The following INTU variants were observed in gnomAD, a reference collection of about 807,000 sequenced individuals.
INTU encodes the protein inturned planar cell polarity protein, also known as protein inturned.
In INTU, 68 loss-of-function variants were observed where a neutral mutation model predicts 100.5. The observed-to-expected ratio is 0.68, with a 90% CI of 0.56 to 0.83. The LOEUF is 0.83. Among genes scored for constraint, INTU ranks in the 40% least tolerant of loss-of-function variants. INTU has a pLI of 0.00. For missense variants in INTU, 1,071 were observed against 1,114.7 expected, an observed-to-expected ratio of 0.96 and a Z score of 0.56; for synonymous variants, 357 against 395.7, an observed-to-expected ratio of 0.90 and a Z score of 1.16.
chr4:127,656,659 G>T lies in INTU; in HGVS notation c.706G>T (p.Asp236Tyr). 6.2e-7 allele frequency: 1 copy of T among 1,610,142 alleles called. No individual in the cohort carries two copies. Among genetic ancestry groups the T allele is most frequent in the Middle Eastern group, 1.7e-4 (1 of 6,056 alleles). ...LIGDVLVAVN[D>Y]VDVTTENIER... is the part of the protein sequence containing the mutation. ...AGGTGATGTCCTTGTTGCTGTGAAT[G>T]ATGTCGATGTTACTACTGAAAACAT... The change falls in exon 3 of 16, where the codon GAT (aspartate) becomes TAT (tyrosine). Residue 236 changes from aspartate to tyrosine, a missense_variant. By Grantham distance (160) the Asp-to-Tyr change is radical. Coordinates refer to ENST00000335251, the MANE Select transcript of INTU (RefSeq NM_015693.4).
intron 15 of INTU, 75 bp from the exon 16 acceptor site, chr4:127,716,250 A>G: frequency 1.5e-6 from 1 of 660,998 alleles, no homozygotes; most frequent in Non-Finnish European, 2.5e-6. Context: ...ACAAAAATTA[A>G]ATTAATTGGA....
In INTU at chr4:127,693,600, G is replaced by C. The variant is rs569928608; in HGVS notation, c.1449+5733G>C. Among the ~76,000 whole-genome samples, 5 of 151,974 alleles carry C rather than the reference G, an allele frequency of 3.3e-5. No homozygotes were observed. In the South Asian group the frequency reaches 1.0e-3, roughly 32 times the overall value. On this transcript the variant is annotated intron_variant, in intron 8 of 15. Coordinates refer to ENST00000335251, the MANE Select transcript of INTU (RefSeq NM_015693.4). ...GTCTGATTTCTCTGGCTAGGACTTT[G>C]AGTACTGTGTTGAATAGAAGTGGTG...
chr4:127,705,508 G>A lies in INTU; in HGVS notation c.1567-83G>A, dbSNP rs191138354. The A allele has an allele frequency of 7.1e-6, 7 of 982,596 alleles. No individual in the cohort carries two copies. In the East Asian group the frequency reaches 1.2e-4, roughly 17 times the overall value. The allele number at this position is 982,596 out of a possible 1,614,324, so 60.9% of individuals were successfully genotyped here. A position where few individuals can be genotyped will look rare whatever the true frequency, so the allele number is the denominator to read the frequency against. ...AGAATATTCTAAACCAACGGAAGAA[G>A]TGTCTATGAAACTCTTAGAAATATT... On this transcript the variant is annotated intron_variant, in intron 10 of 15. Coordinates refer to ENST00000335251, the MANE Select transcript of INTU (RefSeq NM_015693.4).
chr4:127,636,410 A>C (rs1284298159), intron 1 of INTU, among the ~76,000 whole-genome samples: 1 of 152,134 alleles, frequency 6.6e-6, no homozygotes, highest in Non-Finnish European at 1.5e-5. Flanking sequence ...CACGAGTTCG[A>C]GACCAGCCTG....
At chr4:127,715,995 ATACT>A (rs1436078314) in intron 15 of INTU, among the ~76,000 whole-genome samples, 1 of 152,330 alleles carries the variant, frequency 6.6e-6, no homozygotes, top group Non-Finnish European at 1.5e-5. Context: ...GAGCAATAAA[ATACT>A]TAATAACTAT....
rs1728236279 is a variant in INTU, at chr4:127,656,578, G to T, written c.683-58G>T. 6 of 1,214,044 alleles carry T rather than the reference G, an allele frequency of 4.9e-6. No individual in the cohort carries two copies. In the East Asian group the frequency reaches 1.4e-4, roughly 28 times the overall value. The allele number at this position is 1,214,044 out of a possible 1,614,324, so 75.2% of individuals were successfully genotyped here. On this transcript the variant is annotated intron_variant, in intron 2 of 15. Transcript: ENST00000335251. ...GTAGCTGTTTAATGTTCCAATTCTAGACCTCTATGGTTTTTAGATATTCAT... is the reference window on the plus strand; with the variant it reads ...GTAGCTGTTTAATGTTCCAATTCTATACCTCTATGGTTTTTAGATATTCAT...
Position 127,637,275 on chromosome 4 carries a change from T to C in INTU, c.146+4095T>C, listed in dbSNP as rs546812262. Among the ~76,000 whole-genome samples the C allele has an allele frequency of 2.0e-5, 3 of 152,358 alleles. No individual in the cohort carries two copies. The South Asian group carries it at 6.2e-4, about 32-fold the overall frequency. On this transcript the variant is annotated intron_variant, in intron 1 of 15. Transcript: ENST00000335251. ...TCCATACCACTGCCAGTTTGCTTTCTAAAACACAGTTCTAAATCATTTTTC... is the reference window on the plus strand; with the variant it reads ...TCCATACCACTGCCAGTTTGCTTTCCAAAACACAGTTCTAAATCATTTTTC...
rs1017594400 is a variant in INTU, at chr4:127,720,282, T to C, written c.*3846T>C. 2 of 152,250 alleles carry C rather than the reference T, an allele frequency of 1.3e-5. No homozygotes were observed. Among genetic ancestry groups the C allele is most frequent in the Non-Finnish European group, 2.9e-5 (2 of 67,990 alleles). The allele number at this position is 152,250 out of a possible 1,614,324, so 9.4% of individuals were successfully genotyped here. A position where few individuals can be genotyped will look rare whatever the true frequency, so the allele number is the denominator to read the frequency against. On this transcript the variant is annotated 3_prime_UTR_variant, in exon 16 of 16. Coordinates refer to ENST00000335251, the MANE Select transcript of INTU (RefSeq NM_015693.4). ...CAGGTTGTTCAATTTCCACGTAGTT[T>C]TGTGGTTTTGAGTGACTTTCTTACT...
At position 127,719,527 on chromosome 4, in the gene INTU, C is replaced by A. The variant is rs1387980559; in HGVS notation, c.*3091C>A. ...GAGTTAGGGAGGAGTCTCTCCTTTT[C>A]ATTTGTTTGGAATAGTTTCAGAAGA... On this transcript the variant is annotated 3_prime_UTR_variant, in exon 16 of 16. Transcript: ENST00000335251. 1 of 152,110 alleles carries A rather than the reference C, an allele frequency of 6.6e-6. No homozygotes were observed. The highest frequency in any genetic ancestry group is 2.4e-5 in the African/African-American group (1 of 41,422). 9.4% of individuals were successfully genotyped at this position (152,110 alleles called of 1,614,324 possible).
rs184671374 is a variant in INTU at position 127,645,909 on chromosome 4, G to A, written c.682+1853G>A. 9.9e-5 allele frequency among the ~76,000 whole-genome samples: 15 copies of A among 152,086 alleles called. No individual in the cohort carries two copies. The East Asian group carries it at 1.2e-3, about 12-fold the overall frequency. The stretch of plus-strand genomic sequence containing the variant: ...TCAGAATTATTTGGATAGGCCTGGC[G>A]TGGTGGCTAACACTTGTAATCCCAG... On this transcript the variant is annotated intron_variant, in intron 2 of 15. Transcript: ENST00000335251.
At chr4:127,699,487 T>A (rs1179980543) in intron 8 of INTU, 1 of 152,196 alleles carries the variant, frequency 6.6e-6, no homozygotes, top group Non-Finnish European at 1.5e-5. Flanking sequence ...AACCCTTGAA[T>A]GCAAAACGTT....
chr4:127,699,988 TC>T (rs1272611525), intron 8 of INTU, 21 bp from the exon 9 acceptor site: 2 of 1,533,366 alleles, frequency 1.3e-6, no homozygotes, highest in East Asian at 2.3e-5. Flanking sequence ...TTTATGTTAC[TC>T]TTTTTTTTTT....
At chr4:127,635,614 G>A (rs930255056) in intron 1 of INTU, among the ~76,000 whole-genome samples, 3 of 152,214 alleles carry the variant, frequency 2.0e-5, no homozygotes, top group African/African-American at 7.2e-5. Flanking sequence ...GGATTGGCTG[G>A]AGAAGGGAGG....
At chr4:127,660,331 T>C (rs1728421704) in intron 3 of INTU, among the ~76,000 whole-genome samples, 1 of 152,204 alleles carries the variant, frequency 6.6e-6, no homozygotes, top group Admixed American at 6.5e-5. Context: ...AGAGATAATC[T>C]GCTGAGCCAG....
At chr4:127,680,327 TTGA>T (rs1228735894) in intron 6 of INTU, among the ~76,000 whole-genome samples, 1 of 150,092 alleles carries the variant, frequency 6.7e-6, no homozygotes, top group African/African-American at 2.5e-5. Context: ...ACCAATATCC[TTGA>T]TGAACATTGA....
Position 127,705,572 on chromosome 4 carries a change from C to G in INTU, c.1567-19C>G. The G allele has an allele frequency of 6.3e-7, 1 of 1,589,616 alleles. No homozygotes were observed. Among genetic ancestry groups the G allele is most frequent in the Non-Finnish European group, 8.6e-7 (1 of 1,158,192 alleles). ...TTTATATCACTGGTAGACTTTTGCT[C>G]TTTGTGGTTAAATTCAAGGGTTATT... On this transcript the variant is annotated intron_variant, in intron 10 of 15. Transcript: ENST00000335251.
intron 5 of INTU, among the ~76,000 whole-genome samples, chr4:127,672,229 A>G (rs1051456281): frequency 2.0e-5 from 3 of 152,152 alleles, no homozygotes; most frequent in Non-Finnish European, 2.9e-5. Context: ...CAATTTTAAA[A>G]CATTTTTCTC....
At chr4:127,669,013 T>G in intron 4 of INTU, 23 bp from the exon 5 acceptor site, 2 of 1,124,950 alleles carry the variant, frequency 1.8e-6, no homozygotes, top group Non-Finnish European at 2.6e-6. Flanking sequence ...TTGGGTGGTT[T>G]GATCATTTGT....
intron 3 of INTU, among the ~76,000 whole-genome samples, chr4:127,663,006 C>T (rs1017176425): frequency 3.9e-5 from 6 of 152,244 alleles, no homozygotes; most frequent in Non-Finnish European, 7.4e-5. Context: ...CCAGTGCTAT[C>T]GGCATTGATA....
Sources: allele counts gnomAD v4.1 joint callset (sites outside exome capture counted in the v4.1 genomes callset), GRCh38; gene constraint gnomAD v4.1.1; transcripts MANE v1.5; gene names NCBI Gene and HGNC (gene_info 2026-07-23, HGNC 2026-07-21).